LHX2: variants seen among roughly 807,000 people sequenced by gnomAD.
The protein encoded by LHX2 is LIM/homeobox protein Lhx2.
A neutral mutation model predicts 33.0 loss-of-function variants in LHX2; 6 were observed. That is an observed-to-expected ratio of 0.18 (90% CI 0.10 to 0.36). The LOEUF is 0.36. LHX2 is among the 10% of genes least tolerant of loss of function. The pLI is 1.00. For missense variants in LHX2, 442 were observed against 586.2 expected (o/e 0.75, Z 2.54); for synonymous variants, 292 against 253.1 (o/e 1.15, Z -1.46).
In LHX2 at chr9:124,032,652, T is replaced by C; in HGVS notation, c.1166T>C (p.Leu389Pro). Residue 389 changes from leucine to proline, a missense_variant, in exon 5 of 5, where the codon CTG becomes CCG. By Grantham distance (98) the Leu-to-Pro change is moderately conservative. Coordinates refer to ENST00000373615, the MANE Select transcript of LHX2 (RefSeq NM_004789.4). This position sits in a 1 kb window ranked among gnomAD's most constrained non-coding sequence, Gnocchi z 4.1. ...TSVLTSVPGN[L>P]EGHEPHSPSQ... The stretch of plus-strand genomic sequence containing the variant: ...GTCTTAACTTCTGTGCCTGGCAACC[T>C]GGAGGGCCATGAGCCTCACAGCCCC... 1 of 1,613,772 alleles carries C rather than the reference T, an allele frequency of 6.2e-7. No homozygotes were observed. The highest frequency in any genetic ancestry group is 1.1e-5 in the South Asian group (1 of 91,030).
intron 4 of LHX2, 26 bp downstream of exon 4, chr9:124,021,330 A>C: frequency 6.2e-7 from 1 of 1,605,586 alleles, no homozygotes; most frequent in Non-Finnish European, 8.5e-7. Context: ...GGGTGAGGGC[A>C]TCTGCGACCA....
chr9:124,017,012 T>C (rs990061304), intron 3 of LHX2, among the ~76,000 whole-genome samples: 1 of 152,070 alleles, frequency 6.6e-6, no homozygotes, highest in Non-Finnish European at 1.5e-5. Flanking sequence ...GGCACGGAGG[T>C]TCGGCGCCGG....
In LHX2 at chr9:124,012,357, CCA is replaced by C. The variant is rs1361460450; in HGVS notation, c.12_13del (p.His4GlnfsTer44). 1 of 1,519,508 alleles carries C rather than the reference CCA, an allele frequency of 6.6e-7. No individual in the cohort carries two copies. Among genetic ancestry groups the C allele is most frequent in the African/African-American group, 1.4e-5 (1 of 70,276 alleles). The allele number at this position is 1,519,508 out of a possible 1,614,324, so 94.1% of individuals were successfully genotyped here. A position where few individuals can be genotyped will look rare whatever the true frequency, so the allele number is the denominator to read the frequency against. The stretch of plus-strand genomic sequence containing the variant: ...CCGCCGGTCCCGCCGCGATGCTGTT[CCA>C]CAGTCTGTCGGGCCCCGAGGTGCAC... Reference protein sequence around the residue: MLFHSLSGPEVHGV... With the variant: MLFXSLSGPEVHGV... On this transcript the variant is annotated frameshift_variant, in exon 1 of 5. Transcript: ENST00000373615. LOFTEE classifies it high-confidence loss of function. This position sits in a 1 kb window ranked among gnomAD's most constrained non-coding sequence, Gnocchi z 4.3.
At chr9:124,024,134 T>A (rs1017709270) in intron 4 of LHX2, among the ~76,000 whole-genome samples, 5 of 152,256 alleles carry the variant, frequency 3.3e-5, no homozygotes, top group African/African-American at 1.2e-4. Context: ...AGGGTCTGTA[T>A]ACTGGGGGTG....
intron 4 of LHX2, chr9:124,021,790 G>C: frequency 6.3e-6 from 1 of 157,962 alleles, no homozygotes; most frequent in Non-Finnish European, 1.4e-5. Context: ...GTCTGCCTCT[G>C]TCTCACTCCC....
At chr9:124,027,903 T>TG in intron 4 of LHX2, among the ~76,000 whole-genome samples, 1 of 62,536 alleles carries the variant, frequency 1.6e-5, no homozygotes, top group Middle Eastern at 6.6e-3. Context: ...GAAGGCATAG[T>TG]TTTTTTTTAT....
Position 124,014,955 on chromosome 9 carries a change from G to A in LHX2, c.324-167G>A. 1.4e-6 allele frequency: 1 copy of A among 697,872 alleles called. No homozygotes were observed. Among genetic ancestry groups the A allele is most frequent in the South Asian group, 1.9e-5 (1 of 53,728 alleles). 43.2% of individuals were successfully genotyped at this position (697,872 alleles called of 1,614,324 possible). ...GGAAACTATTTTAGGACAGGACCAG[G>A]CCTGGGTCAAAATCTAGTTCTCTCT... On this transcript the variant is annotated intron_variant, in intron 2 of 4. Coordinates refer to ENST00000373615, the MANE Select transcript of LHX2 (RefSeq NM_004789.4). This position sits in a 1 kb window ranked among gnomAD's most constrained non-coding sequence, Gnocchi z 4.8.
Position 124,012,598 on chromosome 9 carries a change from G to A in LHX2, c.120+130G>A. 8.7e-7 allele frequency: 1 copy of A among 1,147,918 alleles called. No homozygotes were observed. The highest frequency in any genetic ancestry group is 1.1e-6 in the Non-Finnish European group (1 of 878,244). The allele number at this position is 1,147,918 out of a possible 1,614,324, so 71.1% of individuals were successfully genotyped here. On this transcript the variant is annotated intron_variant, in intron 1 of 4. Coordinates refer to ENST00000373615, the MANE Select transcript of LHX2 (RefSeq NM_004789.4). This position sits in a 1 kb window ranked among gnomAD's most constrained non-coding sequence, Gnocchi z 4.3. ...ACTGGGTGCTGGGGATCCTCGGTCA[G>A]AATGCAAGGCCGGTGGCTCCCGGTT...
intron 4 of LHX2, among the ~76,000 whole-genome samples, chr9:124,022,871 G>A (rs1395631401): frequency 6.6e-6 from 1 of 152,190 alleles, no homozygotes; most frequent in Non-Finnish European, 1.5e-5. Flanking sequence ...GGGGCTGCGG[G>A]AGAGGGAGGA....
chr9:124,018,950 A>G (rs904672661), intron 3 of LHX2, among the ~76,000 whole-genome samples: 1 of 152,052 alleles, frequency 6.6e-6, no homozygotes, highest in Non-Finnish European at 1.5e-5. Context: ...GTCCCCACGG[A>G]GCTCATTAAC....
intron 4 of LHX2, among the ~76,000 whole-genome samples, chr9:124,030,413 C>T (rs1032382186): frequency 2.6e-5 from 4 of 152,088 alleles, no homozygotes; most frequent in Non-Finnish European, 4.4e-5. Context: ...AGGCTTCTGG[C>T]GGGTGTTTTC....
intron 4 of LHX2, chr9:124,021,739 G>T: frequency 6.2e-6 from 1 of 162,062 alleles, no homozygotes; most frequent in South Asian, 1.7e-4. Context: ...ATTAGCTCCT[G>T]CTTCTTGCTT....
rs1198379217 is a variant in LHX2 at position 124,017,627 on chromosome 9, C to T, written c.727+2102C>T. On this transcript the variant is annotated intron_variant, in intron 3 of 4. Coordinates refer to ENST00000373615, the MANE Select transcript of LHX2 (RefSeq NM_004789.4). ...CACGAGCTTGTTTGTGGCAGTGTCCCACATCCTGTGGCCCAGCCACGACGA... is the reference window on the plus strand; with the variant it reads ...CACGAGCTTGTTTGTGGCAGTGTCCTACATCCTGTGGCCCAGCCACGACGA... 2.6e-5 allele frequency among the ~76,000 whole-genome samples: 4 copies of T among 152,278 alleles called. No individual in the cohort carries two copies. In the East Asian group the frequency reaches 7.7e-4, roughly 29 times the overall value.
chr9:124,014,183 G>A lies in LHX2; in HGVS notation c.323+20G>A, dbSNP rs1174283101. The A allele has an allele frequency of 5.8e-6, 9 of 1,540,834 alleles. No individual in the cohort carries two copies. The highest frequency in any genetic ancestry group is 7.9e-6 in the Non-Finnish European group (9 of 1,143,618). The stretch of plus-strand genomic sequence containing the variant: ...CTACAGGTAGCCCCCCCACCCAACT[G>A]CCCCTCAGGACCCCTCCCCCCAATC... On this transcript the variant is annotated intron_variant, in intron 2 of 4. Coordinates refer to ENST00000373615, the MANE Select transcript of LHX2 (RefSeq NM_004789.4). The surrounding 1 kb of genome is among the most constrained non-coding windows in gnomAD (Gnocchi z 4.8).
rs866465572 is a variant in LHX2 at position 124,015,392 on chromosome 9, C to A, written c.594C>A (p.Ser198Arg). Reference protein sequence around the residue: ...AAAAAAAAAKSAGLGAAGANP... With the variant: ...AAAAAAAAAKRAGLGAAGANP... ...CCGCTGCAGCCGCGGCGGCCAAGAG[C>A]GCGGGGCTGGGCGCAGCAGGGGCCA... Residue 198 changes from serine to arginine, a missense_variant, in exon 3 of 5, where the codon AGC becomes AGA. Ser to Arg is a moderately radical substitution (Grantham distance 110). This residue lies in a region of LHX2 where 132 missense variants were observed against 139.1 expected (regional missense o/e 0.95). Transcript: ENST00000373615. The surrounding 1 kb of genome is among the most constrained non-coding windows in gnomAD (Gnocchi z 7.9). 3 of 1,608,866 alleles carry A rather than the reference C, an allele frequency of 1.9e-6. No individual in the cohort carries two copies. The highest frequency in any genetic ancestry group is 2.5e-6 in the Non-Finnish European group (3 of 1,177,250).
intron 4 of LHX2, among the ~76,000 whole-genome samples, chr9:124,023,297 C>T (rs987610807): frequency 8.6e-4 from 131 of 152,180 alleles, no homozygotes; most frequent in African/African-American, 3.1e-3. Flanking sequence ...CTAACACGAA[C>T]GATAGTTGTT....
At chr9:124,028,582 C>T (rs752623634) in intron 4 of LHX2, among the ~76,000 whole-genome samples, 4 of 152,190 alleles carry the variant, frequency 2.6e-5, no homozygotes, top group Non-Finnish European at 4.4e-5. Context: ...AACCCGAGGT[C>T]ACGTGGTAGT....
chr9:124,016,402 G>T lies in LHX2; in HGVS notation c.727+877G>T, dbSNP rs1023877769. On this transcript the variant is annotated intron_variant, in intron 3 of 4. Transcript: ENST00000373615. The surrounding 1 kb of genome is among the most constrained non-coding windows in gnomAD (Gnocchi z 4.4). The stretch of plus-strand genomic sequence containing the variant: ...TCAACATCTGCCCGAAGTCTGCAAG[G>T]CCCGGAAAGGTTTATGACTCTCCGG... Among the ~76,000 whole-genome samples, 1 of 152,220 alleles carries T rather than the reference G, an allele frequency of 6.6e-6. No individual in the cohort carries two copies.
rs574651747 is a variant in LHX2 at position 124,030,271 on chromosome 9, G to A, written c.934-2149G>A. Among the ~76,000 whole-genome samples the A allele has an allele frequency of 7.6e-4, 116 of 152,356 alleles. 1 individual carries two copies. Among genetic ancestry groups the A allele is most frequent in the African/African-American group, 2.5e-3 (105 of 41,580 alleles). ...CAGCCGGGGTGGTCCCAAGGGGTGCGTGGGGCCAGGAGTCAGCCCTCCCTC... is the reference window on the plus strand; with the variant it reads ...CAGCCGGGGTGGTCCCAAGGGGTGCATGGGGCCAGGAGTCAGCCCTCCCTC... On this transcript the variant is annotated intron_variant, in intron 4 of 4. Coordinates refer to ENST00000373615, the MANE Select transcript of LHX2 (RefSeq NM_004789.4).
Sources: allele counts gnomAD v4.1 joint callset (sites outside exome capture counted in the v4.1 genomes callset), GRCh38; gene constraint gnomAD v4.1.1; regional missense constraint gnomAD v4.1.1; non-coding constraint Gnocchi (gnomAD v3.1); transcripts MANE v1.5; gene names NCBI Gene and HGNC (gene_info 2026-07-23, HGNC 2026-07-21).